The following AGPS variants were observed in gnomAD, a reference collection of about 807,000 sequenced individuals.
AGPS encodes alkylglycerone phosphate synthase, also known as alkyldihydroxyacetonephosphate synthase, peroxisomal.
AGPS carries 26 observed loss-of-function variants against 90.7 expected under a neutral mutation model. That is an observed-to-expected ratio of 0.29 (90% CI 0.21 to 0.40). The LOEUF (loss-of-function observed/expected upper bound fraction) is 0.40. Among genes scored for constraint, AGPS ranks in the 10% least tolerant of loss-of-function variants. The pLI is 1.00. For missense variants in AGPS, 540 were observed against 816.1 expected (o/e 0.66, Z 4.12); for synonymous variants, 294 against 285.3 (o/e 1.03, Z -0.31).
At chr2:177,497,820 G>A (rs996083368) in intron 13 of AGPS, 55 bp downstream of exon 13, 2 of 992,618 alleles carry the variant, frequency 2.0e-6, no homozygotes, top group African/African-American at 1.6e-5. Context: ...TCTGTTTTCT[G>A]CTTTCTTCCC....
intron 1 of AGPS, among the ~76,000 whole-genome samples, chr2:177,410,948 A>C (rs58023539): frequency 6.6e-6 from 1 of 152,190 alleles, no homozygotes; most frequent in East Asian, 1.9e-4. Flanking sequence ...CTATTCGGAC[A>C]ATCTTTTTTA....
chr2:177,528,702 C>T (rs1172105933), intron 19 of AGPS, among the ~76,000 whole-genome samples: 1 of 152,152 alleles, frequency 6.6e-6, no homozygotes, highest in Non-Finnish European at 1.5e-5. Flanking sequence ...ACTCCCTAAA[C>T]AGTGACTGGC....
Position 177,541,941 on chromosome 2 carries a change from A to G in AGPS, c.*3746A>G, listed in dbSNP as rs968243864. The G allele has an allele frequency of 6.6e-6, 1 of 152,222 alleles. No individual in the cohort carries two copies. Among genetic ancestry groups the G allele is most frequent in the African/African-American group, 2.4e-5 (1 of 41,460 alleles). The allele number at this position is 152,222 out of a possible 1,614,324, so 9.4% of individuals were successfully genotyped here. The stretch of plus-strand genomic sequence containing the variant: ...TACTCAGCTTTCTGCTCCCTAAGCC[A>G]AACAGTGTTTGTCTTCAGTGTGAAA... On this transcript the variant is annotated 3_prime_UTR_variant, in exon 20 of 20. Transcript: ENST00000264167.
intron 1 of AGPS, among the ~76,000 whole-genome samples, chr2:177,418,849 A>G (rs575551902): frequency 6.6e-6 from 1 of 151,982 alleles, no homozygotes; most frequent in East Asian, 1.9e-4. Context: ...TGGTAACATT[A>G]GTCGTGATGT....
intron 10 of AGPS, among the ~76,000 whole-genome samples, chr2:177,478,587 A>G (rs1367195644): frequency 1.3e-5 from 2 of 151,996 alleles, no homozygotes; most frequent in Non-Finnish European, 2.9e-5. Context: ...TTCAAGTTTC[A>G]TATTCATTCT....
chr2:177,528,315 T>C (rs2079107683), intron 19 of AGPS, among the ~76,000 whole-genome samples: 2 of 152,210 alleles, frequency 1.3e-5, no homozygotes, highest in South Asian at 4.1e-4. Flanking sequence ...AAAAAATCAA[T>C]GGTTTCTTCT....
intron 2 of AGPS, among the ~76,000 whole-genome samples, chr2:177,428,932 C>T (rs1686157496): frequency 6.6e-6 from 1 of 152,146 alleles, no homozygotes; most frequent in African/African-American, 2.4e-5. Flanking sequence ...TCCATTCTCT[C>T]CATCTCTTTC....
intron 19 of AGPS, among the ~76,000 whole-genome samples, chr2:177,531,360 C>G (rs2079135488): frequency 6.6e-6 from 1 of 152,080 alleles, no homozygotes; most frequent in Non-Finnish European, 1.5e-5. Context: ...AACAATTAAG[C>G]ATATAGAAAC....
intron 1 of AGPS, among the ~76,000 whole-genome samples, chr2:177,417,175 A>G (rs1559037646): frequency 6.6e-6 from 1 of 152,188 alleles, no homozygotes; most frequent in Non-Finnish European, 1.5e-5. Flanking sequence ...AAAATCCACA[A>G]TGTTCCAACA....
Position 177,392,841 on chromosome 2 carries a change from A to C in AGPS, c.52A>C (p.Ser18Arg), listed in dbSNP as rs1416345521. ...AGGTGLGAGA[S>R]YGSAADRDRD... Reference sequence around the variant, plus strand: ...TGGGACTGGCTTGGGCGCGGGCGCGAGCTACGGGTCTGCAGCGGACCGGGA... The same window carrying C: ...TGGGACTGGCTTGGGCGCGGGCGCGCGCTACGGGTCTGCAGCGGACCGGGA... The change falls in exon 1 of 20, where the codon AGC (serine) becomes CGC (arginine). Residue 18 changes from serine (S) to arginine (R), a missense_variant. Ser to Arg is a moderately radical substitution (Grantham distance 110). Coordinates refer to ENST00000264167, the MANE Select transcript of AGPS (RefSeq NM_003659.4). 2 of 1,550,248 alleles carry C rather than the reference A, an allele frequency of 1.3e-6. No homozygotes were observed. Among genetic ancestry groups the C allele is most frequent in the South Asian group, 2.4e-5 (2 of 84,602 alleles).
At chr2:177,481,229 T>A (rs1275257490) in intron 10 of AGPS, among the ~76,000 whole-genome samples, 1 of 152,092 alleles carries the variant, frequency 6.6e-6, no homozygotes, top group Non-Finnish European at 1.5e-5. Flanking sequence ...CTAATAAAGT[T>A]ATTAATTTCT....
At chr2:177,408,081 G>A (rs1685514246) in intron 1 of AGPS, among the ~76,000 whole-genome samples, 1 of 152,120 alleles carries the variant, frequency 6.6e-6, no homozygotes, top group Non-Finnish European at 1.5e-5. Context: ...TGTGCCTGGC[G>A]AGAAAACAAA....
At chr2:177,463,516 C>A (rs1687359887) in intron 9 of AGPS, among the ~76,000 whole-genome samples, 1 of 152,036 alleles carries the variant, frequency 6.6e-6, no homozygotes, top group Non-Finnish European at 1.5e-5. Flanking sequence ...TCTAAAGTTT[C>A]CACATTTTCA....
chr2:177,472,532 G>A (rs1687659246), intron 10 of AGPS, among the ~76,000 whole-genome samples: 1 of 151,984 alleles, frequency 6.6e-6, no homozygotes, highest in Admixed American at 6.6e-5. Context: ...ATCGTGGCTG[G>A]TTTTAGGGTG....
At chr2:177,488,024 C>G (rs1283524747) in intron 11 of AGPS, among the ~76,000 whole-genome samples, 1 of 152,048 alleles carries the variant, frequency 6.6e-6, no homozygotes, top group Non-Finnish European at 1.5e-5. Context: ...ATACGGACTC[C>G]TAGCTGTAAG....
intron 16 of AGPS, among the ~76,000 whole-genome samples, chr2:177,509,539 G>A (rs539058408): frequency 4.9e-4 from 75 of 151,902 alleles, no homozygotes; most frequent in South Asian, 4.0e-3. Flanking sequence ...GGTGGCGGGC[G>A]TCTGTAGTCC....
At chr2:177,428,953 A>G (rs1322580380) in intron 2 of AGPS, among the ~76,000 whole-genome samples, 3 of 152,132 alleles carry the variant, frequency 2.0e-5, no homozygotes, top group Admixed American at 6.5e-5. Context: ...GGGTACCCCA[A>G]TCAGTCATAG....
intron 18 of AGPS, among the ~76,000 whole-genome samples, chr2:177,523,432 T>A (rs1689257360): frequency 6.6e-6 from 1 of 152,234 alleles, no homozygotes; most frequent in South Asian, 2.1e-4. Flanking sequence ...AAGTAGAACC[T>A]GACTCTACAT....
intron 19 of AGPS, among the ~76,000 whole-genome samples, chr2:177,524,291 GT>G (rs1186538953): frequency 1.3e-5 from 2 of 152,154 alleles, no homozygotes; most frequent in Admixed American, 6.5e-5. Context: ...ATGCTGTTTT[GT>G]TATTACTTAG....
Sources: gnomAD v4.1 joint callset for allele counts (sites outside exome capture counted in the v4.1 genomes callset) on GRCh38, gnomAD v4.1.1 for gene constraint, MANE v1.5 for transcripts, NCBI Gene and HGNC (gene_info 2026-07-23, HGNC 2026-07-21) for gene names.